CACNB4: variants seen among roughly 807,000 people sequenced by gnomAD.
CACNB4 encodes the protein voltage-dependent L-type calcium channel subunit beta-4.
Under a neutral mutation model 71.2 loss-of-function variants are expected in CACNB4, and 32 were observed. The observed-to-expected ratio is 0.45, with a 90% CI of 0.34 to 0.60. The LOEUF (loss-of-function observed/expected upper bound fraction) is 0.60. Ranked by LOEUF, CACNB4 falls within the 20% of genes least tolerant of loss-of-function variation. The probability of loss-of-function intolerance (pLI) is 0.01; values close to 1 mark genes in which losing one functional copy is unlikely to be tolerated. For synonymous variants in CACNB4, 231 were observed against 236.9 expected (o/e 0.97, Z 0.23); for missense variants, 464 against 647.9 (o/e 0.72, Z 3.08).
At position 152,098,567 on chromosome 2, in the gene CACNB4, C is replaced by CCCCCCCCCCCCCCCCCCCAG; in HGVS notation, c.64-155_64-154insCTGGGGGGGGGGGGGGGGGG. The CCCCCCCCCCCCCCCCCCCAG allele has an allele frequency of 1.2e-6, 1 of 822,988 alleles. No individual in the cohort carries two copies. The highest frequency in any genetic ancestry group is 2.1e-6 in the Non-Finnish European group (1 of 483,966). 51.0% of individuals were successfully genotyped at this position (822,988 alleles called of 1,614,324 possible). A position where few individuals can be genotyped will look rare whatever the true frequency, so the allele number is the denominator to read the frequency against. ...TCCTCCGCGACTCCCAAATACAGCC[C>CCCCCCCCCCCCCCCCCCCAG]CCACCCCCACCCACCCACTGCAAGC... On this transcript the variant is annotated intron_variant, in intron 1 of 13. Coordinates refer to ENST00000539935, the MANE Select transcript of CACNB4 (RefSeq NM_000726.5). This position sits in a 1 kb window ranked among gnomAD's most constrained non-coding sequence, Gnocchi z 5.3.
In CACNB4 at chr2:151,835,431, C is replaced by T. The variant is rs886054954; in HGVS notation, c.*3688G>A. The T allele has an allele frequency of 6.6e-6, 1 of 151,790 alleles. No individual in the cohort carries two copies. The highest frequency in any genetic ancestry group is 2.4e-5 in the African/African-American group (1 of 41,400). The allele number at this position is 151,790 out of a possible 1,614,324, so 9.4% of individuals were successfully genotyped here. On this transcript the variant is annotated 3_prime_UTR_variant, in exon 14 of 14. Coordinates refer to ENST00000539935, the MANE Select transcript of CACNB4 (RefSeq NM_000726.5). ...ATAATTTTGATCACTACTTATTGAC[C>T]AGTGTTTTTCCCTTTAAAGACAGAT...
chr2:151,935,883 A>C (rs1578868632), intron 2 of CACNB4, among the ~76,000 whole-genome samples: 1 of 152,354 alleles, frequency 6.6e-6, no homozygotes, highest in African/African-American at 2.4e-5. Flanking sequence ...GCCTAGACAA[A>C]GGAGATCTGG....
chr2:151,995,534 C>T (rs1264897401), intron 2 of CACNB4, among the ~76,000 whole-genome samples: 5 of 152,140 alleles, frequency 3.3e-5, no homozygotes, highest in East Asian at 3.8e-4. Flanking sequence ...AGTGAAACCC[C>T]GTCTCTACTA....
At chr2:151,975,688 G>A (rs1274760349) in intron 2 of CACNB4, among the ~76,000 whole-genome samples, 3 of 152,204 alleles carry the variant, frequency 2.0e-5, no homozygotes, top group Non-Finnish European at 4.4e-5. Context: ...TCAAAGGGCT[G>A]CTGTGCTCAA....
intron 12 of CACNB4, among the ~76,000 whole-genome samples, chr2:151,849,573 C>T (rs2099838508): frequency 6.6e-6 from 1 of 152,112 alleles, no homozygotes; most frequent in Non-Finnish European, 1.5e-5. Context: ...ATGCACCCAG[C>T]TCTTTGTGAG....
intron 8 of CACNB4, chr2:151,870,158 G>C (rs1049659899): frequency 1.6e-6 from 1 of 638,594 alleles, no homozygotes; most frequent in Admixed American, 2.4e-5. Flanking sequence ...GGGTTTGCTG[G>C]AAGATTGATT....
rs1346370310 is a variant in CACNB4, at chr2:151,875,666, G to C, written c.521+760C>G. Among the ~76,000 whole-genome samples the C allele has an allele frequency of 1.2e-4, 12 of 103,236 alleles. No homozygotes were observed. The East Asian group carries it at 1.2e-3, about 10-fold the overall frequency. The allele number at this position is 103,236 out of a possible 152,430, so 67.7% of individuals were successfully genotyped here. On this transcript the variant is annotated intron_variant, in intron 5 of 13. Coordinates refer to ENST00000539935, the MANE Select transcript of CACNB4 (RefSeq NM_000726.5). ...TCCCGGACGGGGCGGCTGGCCGGGT[G>C]GGGGGCTGACCCCCCCACCTCCCTC...
chr2:151,949,190 A>G (rs2099866294), intron 2 of CACNB4, among the ~76,000 whole-genome samples: 1 of 141,972 alleles, frequency 7.0e-6, no homozygotes, highest in African/African-American at 2.7e-5. Flanking sequence ...TATCAAAATA[A>G]ATAGGTAACA....
At chr2:152,076,806 T>C (rs182066107) in intron 2 of CACNB4, among the ~76,000 whole-genome samples, 5 of 152,352 alleles carry the variant, frequency 3.3e-5, no homozygotes, top group Non-Finnish European at 7.3e-5. Flanking sequence ...GCCTATTCTG[T>C]CAACCTGGAA....
intron 3 of CACNB4, 97 bp from the exon 4 acceptor site, chr2:151,881,019 T>C: frequency 8.1e-7 from 1 of 1,233,026 alleles, no homozygotes; most frequent in East Asian, 2.6e-5. Context: ...GAGAAATAAC[T>C]TTCCAAAGAG....
At chr2:151,989,338 T>A (rs537699631) in intron 2 of CACNB4, among the ~76,000 whole-genome samples, 8 of 152,370 alleles carry the variant, frequency 5.3e-5, no homozygotes, top group Middle Eastern at 3.4e-3. Context: ...TCATTTCTTC[T>A]CCATTATTCA....
At chr2:151,861,846 A>AAAAAAAAC in intron 9 of CACNB4, 1 of 151,478 alleles carries the variant, frequency 6.6e-6, no homozygotes, top group Non-Finnish European at 1.5e-5. Context: ...CTGTCTCAAA[A>AAAAAAAAC]AAAAAAAAAA....
At chr2:151,957,274 G>A (rs1460723709) in intron 2 of CACNB4, among the ~76,000 whole-genome samples, 2 of 150,890 alleles carry the variant, frequency 1.3e-5, no homozygotes, top group African/African-American at 2.4e-5. Context: ...GTGTGTGTGT[G>A]TGTGTGTGTG....
intron 2 of CACNB4, among the ~76,000 whole-genome samples, chr2:152,006,576 C>A (rs543159883): frequency 6.6e-6 from 1 of 151,592 alleles, no homozygotes; most frequent in Non-Finnish European, 1.5e-5. Flanking sequence ...AATTTTTGTA[C>A]TTTTTAGTAG....
intron 2 of CACNB4, among the ~76,000 whole-genome samples, chr2:151,933,627 C>A (rs2099862178): frequency 1.3e-5 from 2 of 152,056 alleles, no homozygotes; most frequent in Non-Finnish European, 2.9e-5. Flanking sequence ...ACCACCAGAC[C>A]CTACTACTTC....
At chr2:151,871,188 C>T in intron 6 of CACNB4, 1 of 329,602 alleles carries the variant, frequency 3.0e-6, no homozygotes, top group Non-Finnish European at 5.5e-6. Flanking sequence ...CTGGACACAG[C>T]ACAGTGTTGC....
intron 2 of CACNB4, among the ~76,000 whole-genome samples, chr2:152,035,651 C>CTCTCTCTATA (rs796161186): frequency 0.018 from 2,124 of 117,964 alleles, 36 homozygotes; most frequent in African/African-American, 0.036. Flanking sequence ...CTCTCTCTCT[C>CTCTCTCTATA]TATATATATA....
chr2:152,061,641 CAAA>C (rs57640851), intron 2 of CACNB4, among the ~76,000 whole-genome samples: 1 of 132,504 alleles, frequency 7.5e-6, no homozygotes. Context: ...CTTCTCAAAG[CAAA>C]AAAAAAAAAA....
At chr2:151,857,765 A>T (rs2099840661) in intron 10 of CACNB4, 1 of 152,160 alleles carries the variant, frequency 6.6e-6, no homozygotes, top group African/African-American at 2.4e-5. Flanking sequence ...CCCTCAAGGC[A>T]CTCTGAGTTT....
Sources: allele counts gnomAD v4.1 joint callset (sites outside exome capture counted in the v4.1 genomes callset), GRCh38; gene constraint gnomAD v4.1.1; non-coding constraint Gnocchi (gnomAD v3.1); transcripts MANE v1.5; gene names NCBI Gene and HGNC (gene_info 2026-07-23, HGNC 2026-07-21).